ISCA1: variants seen among roughly 807,000 people sequenced by gnomAD.
ISCA1 encodes iron-sulfur cluster assembly 1 homolog, mitochondrial.
A neutral mutation model predicts 14.7 loss-of-function variants in ISCA1; 9 were observed. The observed-to-expected ratio is 0.61, with a 90% confidence interval of 0.37 to 1.07. The LOEUF (loss-of-function observed/expected upper bound fraction) is 1.07, where lower values mean the gene tolerates loss of function less well. Ranked by LOEUF, ISCA1 falls within the 50% of genes least tolerant of loss-of-function variation. ISCA1 has a pLI of 0.01. For missense variants in ISCA1, 102 were observed against 150.1 expected (o/e 0.68, Z 1.67); for synonymous variants, 38 against 54.3 (o/e 0.70, Z 1.32).
chr9:86,269,382 A>G (rs1825336307), intron 3 of ISCA1, among the ~76,000 whole-genome samples: 1 of 152,150 alleles, frequency 6.6e-6, no homozygotes, highest in East Asian at 1.9e-4. Flanking sequence ...CCAACTTAAA[A>G]AGGACGTGAA....
At chr9:86,281,707 G>A (rs1260029267) in intron 1 of ISCA1, among the ~76,000 whole-genome samples, 1 of 152,256 alleles carries the variant, frequency 6.6e-6, no homozygotes, top group African/African-American at 2.4e-5. Context: ...CCCTCTGAGT[G>A]TTTGACCTTT....
At chr9:86,268,551 A>C (rs1329564618) in intron 3 of ISCA1, among the ~76,000 whole-genome samples, 3 of 152,028 alleles carry the variant, frequency 2.0e-5, no homozygotes, top group Non-Finnish European at 2.9e-5. Flanking sequence ...GGTCTATAGT[A>C]CTACGGAGGA....
intron 1 of ISCA1, among the ~76,000 whole-genome samples, chr9:86,281,317 TTTC>T (rs2131229286): frequency 6.6e-6 from 1 of 152,308 alleles, no homozygotes; most frequent in South Asian, 2.1e-4. Context: ...TGATCACAAT[TTTC>T]TTCTACTTTG....
intron 3 of ISCA1, 83 bp downstream of exon 3, chr9:86,271,924 T>A: frequency 1.4e-6 from 1 of 739,736 alleles, no homozygotes; most frequent in East Asian, 2.6e-5. Flanking sequence ...CCTGCTACTA[T>A]CCTTATTTTT....
rs1293797251 is a variant in ISCA1, at chr9:86,282,534, G to A, written c.-76C>T. 27 of 1,549,104 alleles carry A rather than the reference G, an allele frequency of 1.7e-5. No individual in the cohort carries two copies. The highest frequency in any genetic ancestry group is 3.6e-5 in the South Asian group (3 of 84,022). On this transcript the variant is annotated 5_prime_UTR_variant, in exon 1 of 4. Transcript: ENST00000375991. Reference sequence around the variant, plus strand: ...GCTTCTCTCCATGGACACGGCGGGCGCATTGACGCCACAAGCTTCGGCGCA... The same window carrying A: ...GCTTCTCTCCATGGACACGGCGGGCACATTGACGCCACAAGCTTCGGCGCA...
intron 1 of ISCA1, among the ~76,000 whole-genome samples, chr9:86,280,930 AAAACAAAAC>A (rs905213872): frequency 1.7e-4 from 25 of 151,228 alleles, no homozygotes; most frequent in African/African-American, 6.1e-4. Context: ...CCTGTCTCCA[AAAACAAAAC>A]AAACAAAAAC....
At chr9:86,268,844 G>A (rs1825326932) in intron 3 of ISCA1, among the ~76,000 whole-genome samples, 1 of 152,046 alleles carries the variant, frequency 6.6e-6, no homozygotes, top group Non-Finnish European at 1.5e-5. Context: ...ACCCAGGTTG[G>A]AGTGCAATGG....
intron 3 of ISCA1, chr9:86,267,835 T>TAAA (rs34344174): frequency 3.1e-4 from 37 of 117,710 alleles, no homozygotes; most frequent in African/African-American, 1.0e-3. Flanking sequence ...CATCTCAAAT[T>TAAA]AAAAAAAAAA....
At chr9:86,282,166 G>GGT in intron 1 of ISCA1, 1 of 586,512 alleles carries the variant, frequency 1.7e-6, no homozygotes, top group Non-Finnish European at 2.9e-6. Flanking sequence ...AGTTTCCGGG[G>GGT]CCAAGAGAGC....
intron 2 of ISCA1, among the ~76,000 whole-genome samples, chr9:86,273,550 G>A (rs1825400858): frequency 6.6e-6 from 1 of 152,128 alleles, no homozygotes; most frequent in Non-Finnish European, 1.5e-5. Flanking sequence ...ATTACATAAT[G>A]ACATGGAAAG....
At chr9:86,267,578 T>A in intron 3 of ISCA1, 1 of 880,466 alleles carries the variant, frequency 1.1e-6, no homozygotes, top group Non-Finnish European at 1.4e-6. Context: ...TATAATTAAT[T>A]TTAATTATAA....
chr9:86,281,032 C>G (rs1825509633), intron 1 of ISCA1, among the ~76,000 whole-genome samples: 2 of 151,928 alleles, frequency 1.3e-5, no homozygotes, highest in African/African-American at 2.4e-5. Context: ...AAAAACTGTT[C>G]CTGAACCTTC....
chr9:86,281,532 G>A (rs1825517288), intron 1 of ISCA1, among the ~76,000 whole-genome samples: 1 of 152,198 alleles, frequency 6.6e-6, no homozygotes. Context: ...AGATAGAGGT[G>A]ATGGTTGCAC....
At chr9:86,282,297 C>T (rs1164857016) in intron 1 of ISCA1, 81 bp downstream of exon 1, 1 of 1,446,580 alleles carries the variant, frequency 6.9e-7, no homozygotes, top group Admixed American at 2.4e-5. Context: ...TGCGGCCCCA[C>T]TCCCGGCCGC....
chr9:86,267,406 A>G (rs1825304074), intron 3 of ISCA1: 2 of 917,564 alleles, frequency 2.2e-6, no homozygotes, highest in Non-Finnish European at 1.3e-6. Context: ...ATTGATAGTT[A>G]TAACTTTAGT....
intron 3 of ISCA1, among the ~76,000 whole-genome samples, chr9:86,268,933 T>C (rs1339952625): frequency 6.6e-6 from 1 of 152,012 alleles, no homozygotes; most frequent in Non-Finnish European, 1.5e-5. Context: ...TAGCTGGGAC[T>C]ACAGGCGTGT....
intron 1 of ISCA1, among the ~76,000 whole-genome samples, chr9:86,274,874 T>C (rs911555651): frequency 1.1e-4 from 17 of 152,262 alleles, no homozygotes; most frequent in South Asian, 4.1e-4. Flanking sequence ...AGCTAGTCAA[T>C]GACAGAAATA....
intron 3 of ISCA1, 141 bp from the exon 4 acceptor site, chr9:86,266,332 G>A (rs560517755): frequency 2.3e-6 from 3 of 1,320,416 alleles, no homozygotes; most frequent in South Asian, 1.8e-5. Flanking sequence ...ATTTCCTTAA[G>A]GAATTAAGCA....
chr9:86,274,854 A>C (rs953100601), intron 1 of ISCA1, among the ~76,000 whole-genome samples: 2 of 152,202 alleles, frequency 1.3e-5, no homozygotes, highest in African/African-American at 4.8e-5. Flanking sequence ...GATCTAGATG[A>C]ACAAAACTAA....
Sources: gnomAD v4.1 joint callset for allele counts (sites outside exome capture counted in the v4.1 genomes callset) on GRCh38, gnomAD v4.1.1 for gene constraint, MANE v1.5 for transcripts, NCBI Gene and HGNC (gene_info 2026-07-23, HGNC 2026-07-21) for gene names.